TMX2: variants seen among roughly 807,000 people sequenced by gnomAD.
TMX2 encodes thioredoxin-related transmembrane protein 2.
Under a neutral mutation model 33.4 loss-of-function variants are expected in TMX2, and 20 were observed. The ratio of observed to expected loss-of-function variants is 0.60; its 90% CI spans 0.42 to 0.87. The LOEUF is 0.87. Ranked by LOEUF, TMX2 falls within the 40% of genes least tolerant of loss-of-function variation. The pLI is 0.00. For synonymous variants in TMX2, 166 were observed against 140.7 expected, an observed-to-expected ratio of 1.18 and a Z score of -1.27; for missense variants, 340 against 370.7, an observed-to-expected ratio of 0.92 and a Z score of 0.68.
intron 3 of TMX2, 22 bp downstream of exon 3, chr11:57,738,048 CTTTT>C (rs751575175): frequency 8.5e-6 from 11 of 1,294,208 alleles, no homozygotes; most frequent in African/African-American, 6.1e-5. Flanking sequence ...GCCTTTCTTT[CTTTT>C]TTTTTTTTTG....
At chr11:57,738,254 T>C in intron 3 of TMX2, 100 bp from the exon 4 acceptor site, 1 of 883,268 alleles carries the variant, frequency 1.1e-6, no homozygotes, top group South Asian at 1.5e-5. Context: ...TATCCACAAG[T>C]GTGTATTATT....
chr11:57,731,135 T>G (rs58131045), intron 1 of TMX2, among the ~76,000 whole-genome samples: 4,803 of 68,274 alleles, frequency 0.07, 386 homozygotes, highest in African/African-American at 0.22. Flanking sequence ...GTTTTTTTTT[T>G]TTTTTTTTTT....
rs761634819 is a variant in TMX2 at position 57,712,648 on chromosome 11, C to G, written c.30C>G (p.Leu10=). Residue 10 remains leucine (L), a synonymous_variant, in exon 1 of 8, where the codon CTC becomes CTG. Transcript: ENST00000278422. ...CGGTCTTGGCACCTCTAATTGCTCT[C>G]GTGTATTCGGTGCCGCGACTTTCAC... MAVLAPLIA[L]VYSVPRLSRW... is the part of the protein sequence containing the mutation. 1.2e-6 allele frequency: 2 copies of G among 1,614,092 alleles called. No homozygotes were observed. Among genetic ancestry groups the G allele is most frequent in the South Asian group, 1.1e-5 (1 of 91,066 alleles).
intron 1 of TMX2, among the ~76,000 whole-genome samples, chr11:57,732,520 AC>A (rs1565228509): frequency 6.6e-6 from 1 of 152,166 alleles, no homozygotes; most frequent in Non-Finnish European, 1.5e-5. Context: ...AGTATAGGAG[AC>A]CTTTTATAAA....
chr11:57,717,234 G>A (rs1337316120), intron 1 of TMX2, among the ~76,000 whole-genome samples: 1 of 151,682 alleles, frequency 6.6e-6, no homozygotes, highest in East Asian at 2.0e-4. Flanking sequence ...CAGCCAGGCA[G>A]AGGGGCTCTT....
chr11:57,716,553 C>T (rs1429316004), intron 1 of TMX2, among the ~76,000 whole-genome samples: 2 of 127,554 alleles, frequency 1.6e-5, no homozygotes, highest in Non-Finnish European at 3.4e-5. Context: ...GACGGGGCGG[C>T]TGGCCGGGCG....
intron 1 of TMX2, among the ~76,000 whole-genome samples, chr11:57,726,540 A>G (rs1163888953): frequency 6.6e-6 from 1 of 151,488 alleles, no homozygotes; most frequent in Admixed American, 6.6e-5. Context: ...CCATTCCTAT[A>G]TGGCCTAAAA....
At position 57,740,909 on chromosome 11, in the gene TMX2, T is replaced by G. The variant is rs1303079183; in HGVS notation, c.*664T>G. The G allele has an allele frequency of 1.3e-5, 2 of 152,244 alleles. No homozygotes were observed. The highest frequency in any genetic ancestry group is 2.9e-5 in the Non-Finnish European group (2 of 68,032). The allele number at this position is 152,244 out of a possible 1,614,324, so 9.4% of individuals were successfully genotyped here. A position where few individuals can be genotyped will look rare whatever the true frequency, so the allele number is the denominator to read the frequency against. The stretch of plus-strand genomic sequence containing the variant: ...AAATCCCCTGGACTTTCACTAACCC[T>G]CTGACATACTCCCCACACCCAGTTG... On this transcript the variant is annotated 3_prime_UTR_variant, in exon 8 of 8. Coordinates refer to ENST00000278422, the MANE Select transcript of TMX2 (RefSeq NM_015959.4).
At chr11:57,717,923 G>A (rs1947288919) in intron 1 of TMX2, 1 of 659,816 alleles carries the variant, frequency 1.5e-6, no homozygotes, top group Non-Finnish European at 2.7e-6. Context: ...AAAGGGAACT[G>A]CAGTGAGAGC....
rs754255952 is a variant in TMX2, at chr11:57,739,017, C to T, written c.592C>T (p.Arg198Cys). 2.1e-5 allele frequency: 34 copies of T among 1,613,992 alleles called. No individual in the cohort carries two copies. Among genetic ancestry groups the T allele is most frequent in the Admixed American group, 3.3e-5 (2 of 59,998 alleles). ...AAATTTTGGGAAGGTGGATGTTGGA[C>T]GCTATACTGATGTTAGTACGCGGTA... ...GLNFGKVDVG[R>C]YTDVSTRYKV... The change falls in exon 6 of 8, where the codon CGC becomes TGC. Residue 198 changes from arginine to cysteine, a missense_variant. Transcript: ENST00000278422.
At chr11:57,739,765 A>T (rs896320120) in intron 7 of TMX2, among the ~76,000 whole-genome samples, 21 of 152,088 alleles carry the variant, frequency 1.4e-4, no homozygotes, top group Non-Finnish European at 2.4e-4. Flanking sequence ...AAAAAAAAAA[A>T]AAGATTCTGT....
Position 57,719,514 on chromosome 11 carries a change from C to CTTTTTTTTTTTTTTTT in TMX2, c.189+6716_189+6731dup, listed in dbSNP as rs1183104624. Among the ~76,000 whole-genome samples, 28 of 70,530 alleles carry CTTTTTTTTTTTTTTTT rather than the reference C, an allele frequency of 4.0e-4. 2 individuals carry two copies. The highest frequency in any genetic ancestry group is 2.3e-3 in the East Asian group (5 of 2,164). 46.3% of individuals were successfully genotyped at this position (70,530 alleles called of 152,430 possible). On this transcript the variant is annotated intron_variant, in intron 1 of 7. Coordinates refer to ENST00000278422, the MANE Select transcript of TMX2 (RefSeq NM_015959.4). Reference sequence around the variant, plus strand: ...AATGTAAAATTTCTTTTTTCTTTGTCTTTTTTTTTTTTTTTTTTTTTTTTG... The same window carrying CTTTTTTTTTTTTTTTT: ...AATGTAAAATTTCTTTTTTCTTTGTCTTTTTTTTTTTTTTTTTTTTTTTTTTTTTTTTTTTTTTTTG...
chr11:57,733,855 A>G (rs2135598487), intron 1 of TMX2, among the ~76,000 whole-genome samples: 1 of 152,232 alleles, frequency 6.6e-6, no homozygotes, highest in Admixed American at 6.5e-5. Flanking sequence ...TCCCAGCATC[A>G]TCCAGCCAGC....
chr11:57,723,336 A>G (rs998959755), intron 1 of TMX2, among the ~76,000 whole-genome samples: 1 of 151,254 alleles, frequency 6.6e-6, no homozygotes, highest in East Asian at 2.0e-4. Flanking sequence ...AAAAAAAATT[A>G]GCTGGGTATG....
chr11:57,738,190 C>T lies in TMX2; in HGVS notation c.364+164C>T, dbSNP rs1039473587. The T allele has an allele frequency of 1.5e-5, 11 of 737,266 alleles. No individual in the cohort carries two copies. In the South Asian group the frequency reaches 1.9e-4, roughly 13 times the overall value. The allele number at this position is 737,266 out of a possible 1,614,324, so 45.7% of individuals were successfully genotyped here. A position where few individuals can be genotyped will look rare whatever the true frequency, so the allele number is the denominator to read the frequency against. ...ATTATATATGTAGCTCAGATGATAA[C>T]AGTTTACAGAGACTGTTATTGTAGA... On this transcript the variant is annotated intron_variant, in intron 3 of 7. Transcript: ENST00000278422.
At chr11:57,740,014 A>C (rs1590983375) in intron 7 of TMX2, 85 bp from the exon 8 acceptor site, 1 of 1,589,218 alleles carries the variant, frequency 6.3e-7, no homozygotes, top group East Asian at 2.2e-5. Context: ...CCTTTCCCAG[A>C]CTTTGTGTAA....
intron 1 of TMX2, among the ~76,000 whole-genome samples, chr11:57,730,464 T>G (rs1948300912): frequency 1.7e-5 from 2 of 114,600 alleles, no homozygotes; most frequent in East Asian, 2.8e-4. Flanking sequence ...AGGCCAGGCA[T>G]GGTGGCTCAT....
chr11:57,722,403 A>G (rs1412279398), intron 1 of TMX2, among the ~76,000 whole-genome samples: 2 of 152,218 alleles, frequency 1.3e-5, no homozygotes, highest in Non-Finnish European at 1.5e-5. Context: ...CTCTTTTGAA[A>G]AGGCCTTGAA....
chr11:57,720,209 G>A (rs1265329714), intron 1 of TMX2, among the ~76,000 whole-genome samples: 1 of 150,528 alleles, frequency 6.6e-6, no homozygotes, highest in African/African-American at 2.4e-5. Context: ...AGCCCCAAAA[G>A]TCACTAATGG....
Sources: gnomAD v4.1 joint callset for allele counts (sites outside exome capture counted in the v4.1 genomes callset) on GRCh38, gnomAD v4.1.1 for gene constraint, MANE v1.5 for transcripts, NCBI Gene and HGNC (gene_info 2026-07-23, HGNC 2026-07-21) for gene names.